IGSF11: variants seen among roughly 807,000 people sequenced by gnomAD.
The protein encoded by IGSF11 is immunoglobulin superfamily member 11.
A neutral mutation model predicts 41.0 loss-of-function variants in IGSF11; 22 were observed. The observed-to-expected ratio is 0.54, with a 90% CI of 0.38 to 0.77. The LOEUF (loss-of-function observed/expected upper bound fraction) is 0.77. Ranked by LOEUF, IGSF11 falls within the 30% of genes least tolerant of loss-of-function variation. IGSF11 has a pLI of 0.00. For missense variants in IGSF11, 444 were observed against 530.8 expected, an observed-to-expected ratio of 0.84 and a Z score of 1.61; for synonymous variants, 219 against 201.3, an observed-to-expected ratio of 1.09 and a Z score of -0.74.
upstream of IGSF11, among the ~76,000 whole-genome samples, chr3:119,039,164 C>G (rs537175626): frequency 1.2e-3 from 177 of 152,278 alleles, no homozygotes; most frequent in Non-Finnish European, 2.2e-3. Flanking sequence ...GCTGCTATAA[C>G]AAATTACGAC....
chr3:119,014,264 C>T (rs748597056), intron 1 of IGSF11, among the ~76,000 whole-genome samples: 2 of 152,190 alleles, frequency 1.3e-5, no homozygotes, highest in African/African-American at 4.8e-5. Flanking sequence ...TCTTCTGTTA[C>T]ATCTTACCCA....
intron 1 of IGSF11, among the ~76,000 whole-genome samples, chr3:119,046,492 T>C (rs1001813819): frequency 7.4e-4 from 113 of 152,096 alleles, no homozygotes; most frequent in African/African-American, 2.0e-3. Context: ...TATGGGACTA[T>C]GTGAAAAGAC....
intron 1 of IGSF11, among the ~76,000 whole-genome samples, chr3:118,973,249 T>C (rs560471085): frequency 5.8e-4 from 88 of 152,324 alleles, no homozygotes; most frequent in African/African-American, 2.1e-3. Context: ...AAATGAGTCC[T>C]GATCAGAACA....
upstream of IGSF11, among the ~76,000 whole-genome samples, chr3:119,106,507 C>A (rs72953064): frequency 5.8e-4 from 88 of 152,246 alleles, 1 homozygote; most frequent in Non-Finnish European, 1.0e-3. Flanking sequence ...ACCTACAGTT[C>A]CATCCATGTT....
At chr3:119,092,774 AT>A (rs1180849605) in intron 1 of IGSF11, among the ~76,000 whole-genome samples, 5 of 151,874 alleles carry the variant, frequency 3.3e-5, no homozygotes, top group Non-Finnish European at 7.4e-5. Flanking sequence ...CAGATATACC[AT>A]TTTTTTCATC....
At chr3:118,981,911 CTGAGG>C (rs1437647740) in intron 1 of IGSF11, 2 of 153,214 alleles carry the variant, frequency 1.3e-5, no homozygotes, top group African/African-American at 4.8e-5. Flanking sequence ...CCTGCTGGCC[CTGAGG>C]TGTGCTGCCC....
chr3:118,931,035 A>C (rs1942805967), intron 1 of IGSF11, among the ~76,000 whole-genome samples: 1 of 152,202 alleles, frequency 6.6e-6, no homozygotes, highest in Non-Finnish European at 1.5e-5. Context: ...CATATAGATA[A>C]ATGTCACAGG....
intron 1 of IGSF11, among the ~76,000 whole-genome samples, chr3:118,948,938 C>G (rs1944367522): frequency 6.6e-6 from 1 of 150,552 alleles, no homozygotes; most frequent in Admixed American, 6.6e-5. Flanking sequence ...CGCCACTGCC[C>G]TCCAGCCTGG....
At chr3:119,059,402 G>T (rs1023725774) in intron 1 of IGSF11, among the ~76,000 whole-genome samples, 3 of 152,120 alleles carry the variant, frequency 2.0e-5, no homozygotes, top group African/African-American at 7.2e-5. Context: ...GGACTCTGGG[G>T]ACTCAGGGGA....
intron 1 of IGSF11, among the ~76,000 whole-genome samples, chr3:118,951,583 T>C (rs1262518217): frequency 6.6e-6 from 1 of 152,174 alleles, no homozygotes; most frequent in Non-Finnish European, 1.5e-5. Flanking sequence ...ATAATATCTA[T>C]CCCTTTATTG....
chr3:119,033,625 T>A lies in IGSF11; in HGVS notation c.52+906A>T, dbSNP rs1381136790. Among the ~76,000 whole-genome samples the A allele has an allele frequency of 5.9e-5, 9 of 152,026 alleles. No homozygotes were observed. In the East Asian group the frequency reaches 1.7e-3, roughly 29 times the overall value. ...AAATGACTGGAAACATGCTGGTGTC[T>A]CCAGAAAAAAAACAGGGTTAACCAC... On this transcript the variant is annotated intron_variant, in intron 1 of 6. Coordinates refer to ENST00000393775, the MANE Select transcript of IGSF11 (RefSeq NM_001015887.3).
At chr3:118,934,071 C>A (rs1943065523) in intron 1 of IGSF11, among the ~76,000 whole-genome samples, 1 of 152,158 alleles carries the variant, frequency 6.6e-6, no homozygotes, top group South Asian at 2.1e-4. Context: ...TCCTACTTCC[C>A]TACACCCCAC....
At chr3:119,002,514 T>C (rs1937009277) in intron 1 of IGSF11, among the ~76,000 whole-genome samples, 1 of 132,166 alleles carries the variant, frequency 7.6e-6, no homozygotes, top group Non-Finnish European at 1.5e-5. Flanking sequence ...TTGTTGCCAT[T>C]GCTTTTGGTG....
At chr3:119,099,885 G>T (rs760386855) in intron 1 of IGSF11, among the ~76,000 whole-genome samples, 12 of 152,148 alleles carry the variant, frequency 7.9e-5, no homozygotes, top group Non-Finnish European at 1.5e-4. Context: ...TGAAACTCTG[G>T]GTAGTATTGA....
chr3:118,934,706 T>C (rs1451716909), intron 1 of IGSF11, among the ~76,000 whole-genome samples: 1 of 152,206 alleles, frequency 6.6e-6, no homozygotes, highest in Non-Finnish European at 1.5e-5. Context: ...CTCTGGCTCC[T>C]TCCTGATGTT....
intron 1 of IGSF11, among the ~76,000 whole-genome samples, chr3:119,123,759 C>G (rs892789246): frequency 6.6e-6 from 1 of 152,178 alleles, no homozygotes; most frequent in Admixed American, 6.5e-5. Flanking sequence ...CCAAGACTGC[C>G]AAGGTAGCAC....
chr3:118,966,042 T>C lies in IGSF11; in HGVS notation c.53-35767A>G, dbSNP rs148617136. ...AACAGAAGAGTAAAAAGAATTGTTG[T>C]GAACAAAACTACAATAGTAGTTAAT... On this transcript the variant is annotated intron_variant, in intron 1 of 6. Transcript: ENST00000393775. Among the ~76,000 whole-genome samples the C allele has an allele frequency of 6.8e-4, 102 of 150,694 alleles. 1 individual carries two copies. The highest frequency in any genetic ancestry group is 2.4e-3 in the African/African-American group (100 of 41,220).
chr3:119,144,447 G>A (rs1392585815), intron 1 of IGSF11, among the ~76,000 whole-genome samples: 1 of 152,098 alleles, frequency 6.6e-6, no homozygotes, highest in Non-Finnish European at 1.5e-5. Context: ...ACCATACAAT[G>A]TATCTTCTCT....
At chr3:118,964,093 C>T (rs1389904326) in intron 1 of IGSF11, among the ~76,000 whole-genome samples, 1 of 152,106 alleles carries the variant, frequency 6.6e-6, no homozygotes, top group Non-Finnish European at 1.5e-5. Flanking sequence ...CCCCCAAAGT[C>T]TAAAGGATCT....
Sources: gnomAD v4.1 joint callset for allele counts (sites outside exome capture counted in the v4.1 genomes callset) on GRCh38, gnomAD v4.1.1 for gene constraint, MANE v1.5 for transcripts, NCBI Gene and HGNC (gene_info 2026-07-23, HGNC 2026-07-21) for gene names.